The following IL13RA1 variants were observed in gnomAD, a reference collection of about 807,000 sequenced individuals.
IL13RA1 encodes interleukin 13 receptor subunit alpha 1.
In IL13RA1, 14 loss-of-function variants were observed where a neutral mutation model predicts 33.8. The observed-to-expected ratio is 0.41, with a 90% CI of 0.27 to 0.65. The LOEUF (loss-of-function observed/expected upper bound fraction) is 0.65. Ranked by LOEUF, IL13RA1 falls within the 30% of genes least tolerant of loss-of-function variation. IL13RA1 has a pLI of 0.28. For missense variants in IL13RA1, 313 were observed against 327.0 expected (o/e 0.96, Z 0.33); for synonymous variants, 116 against 115.7 (o/e 1.00, Z -0.02).
intron 8 of IL13RA1, chrX:118,769,759 G>C (rs1417007331): frequency 8.6e-6 from 1 of 115,728 alleles, no homozygotes; most frequent in Non-Finnish European, 1.8e-5. Flanking sequence ...GAGGCCTCCC[G>C]TGGCTGGGCC....
intron 10 of IL13RA1, among the ~76,000 whole-genome samples, chrX:118,784,090 A>AAAAATATATATAT (rs1556372973): frequency 3.1e-5 from 2 of 63,959 alleles, no homozygotes; most frequent in Admixed American, 2.6e-4. Flanking sequence ...AAAAAAAAAA[A>AAAAATATATATAT]ATATATATAT....
At chrX:118,799,056 A>G (rs1234561273), downstream of IL13RA1, among the ~76,000 whole-genome samples, 2 of 112,851 alleles carry the variant, frequency 1.8e-5, no homozygotes, top group Non-Finnish European at 3.8e-5. Flanking sequence ...CGGAGCAGCC[A>G]GCCAGCCCTG....
intron 8 of IL13RA1, among the ~76,000 whole-genome samples, chrX:118,771,937 C>G (rs1354356941): frequency 9.0e-6 from 1 of 111,725 alleles, no homozygotes; most frequent in Non-Finnish European, 1.9e-5. Flanking sequence ...CGTGCCACTG[C>G]ACTCCAGCCT....
chrX:118,754,652 T>TTTA (rs1204524802), intron 4 of IL13RA1, among the ~76,000 whole-genome samples: 3 of 103,204 alleles, frequency 2.9e-5, no homozygotes, highest in African/African-American at 4.0e-5. Context: ...AAAAATACTA[T>TTTA]TTATTATTAT....
rs763534725 is a variant in IL13RA1 at position 118,760,353 on chromosome X, G to A, written c.677-785G>A. The stretch of plus-strand genomic sequence containing the variant: ...CATAATTTCCTTGAAGTGCATTTAT[G>A]TTGCAGTGTGTGTCAGAGACTAAGC... On this transcript the variant is annotated intron_variant, in intron 5 of 10. Transcript: ENST00000371666. Among the ~76,000 whole-genome samples the A allele has an allele frequency of 1.8e-5, 2 of 112,073 alleles. 1 individual carries two copies. Among genetic ancestry groups the A allele is most frequent in the Admixed American group, 1.9e-4 (2 of 10,568 alleles).
chrX:118,754,599 T>C (rs2017505722), intron 4 of IL13RA1, among the ~76,000 whole-genome samples: 1 of 109,446 alleles, frequency 9.1e-6, no homozygotes, highest in Non-Finnish European at 1.9e-5. Flanking sequence ...ATCCCACCAC[T>C]GCACTCCAGT....
chrX:118,776,562 T>TG (rs776290651), intron 10 of IL13RA1, 51 bp downstream of exon 10: 1 of 464,759 alleles, frequency 2.2e-6, no homozygotes, highest in Non-Finnish European at 3.6e-6. Context: ...TTTTTTTTTT[T>TG]GGAAGCTATG....
At position 118,752,721 on chromosome X, in the gene IL13RA1, T is replaced by C. The variant is rs1022767836; in HGVS notation, c.488+2943T>C. On this transcript the variant is annotated intron_variant, in intron 4 of 10. Coordinates refer to ENST00000371666, the MANE Select transcript of IL13RA1 (RefSeq NM_001560.3). ...ATATAGTAGGTATTCCATAAATAAG[T>C]TGTGAATGTTTGGTAGGATCCAAAG... Among the ~76,000 whole-genome samples, 11 of 112,289 alleles carry C rather than the reference T, an allele frequency of 9.8e-5. No individual in the cohort carries two copies. In the East Asian group the frequency reaches 2.2e-3, roughly 23 times the overall value.
intron 10 of IL13RA1, among the ~76,000 whole-genome samples, chrX:118,787,670 C>T (rs1023647544): frequency 3.6e-5 from 4 of 111,749 alleles, no homozygotes; most frequent in African/African-American, 1.3e-4. Flanking sequence ...GAGGCCTCCT[C>T]CTGGGAATGC....
intron 2 of IL13RA1, among the ~76,000 whole-genome samples, chrX:118,744,373 A>G (rs2017380883): frequency 9.0e-6 from 1 of 111,539 alleles, no homozygotes; most frequent in South Asian, 3.8e-4. Flanking sequence ...TAAGGTTCGG[A>G]TTTAGATACT....
intron 3 of IL13RA1, among the ~76,000 whole-genome samples, chrX:118,749,161 C>G (rs771638396): frequency 1.8e-5 from 2 of 112,257 alleles, no homozygotes; most frequent in Non-Finnish European, 3.8e-5. Flanking sequence ...AATGATCCAC[C>G]CTTGTTGGCC....
intron 3 of IL13RA1, among the ~76,000 whole-genome samples, chrX:118,748,645 C>G (rs1433772348): frequency 1.8e-5 from 2 of 109,646 alleles, no homozygotes; most frequent in South Asian, 3.9e-4. Context: ...GACTCTGTCT[C>G]AAAAAAATAA....
intron 1 of IL13RA1, among the ~76,000 whole-genome samples, chrX:118,731,309 G>A (rs1336004940): frequency 8.9e-6 from 1 of 112,084 alleles, no homozygotes; most frequent in Non-Finnish European, 1.9e-5. Context: ...AGGCACAGTG[G>A]TTCACACCTG....
At chrX:118,772,276 T>C (rs2248633) in intron 8 of IL13RA1, among the ~76,000 whole-genome samples, 18,866 of 112,196 alleles carry the variant, frequency 0.17, 1,467 homozygotes, top group East Asian at 0.43. Context: ...GGTGTGTGCG[T>C]GCGCACACGT....
At chrX:118,757,338 C>T (rs2017540673) in intron 4 of IL13RA1, among the ~76,000 whole-genome samples, 1 of 109,843 alleles carries the variant, frequency 9.1e-6, no homozygotes, top group Admixed American at 9.8e-5. Flanking sequence ...TCGAGACCAG[C>T]CTGGCCAACA....
chrX:118,794,880 A>T (rs1453650033), downstream of IL13RA1, among the ~76,000 whole-genome samples: 3 of 111,491 alleles, frequency 2.7e-5, no homozygotes, highest in Non-Finnish European at 5.6e-5. Context: ...ATGATGTGCA[A>T]TGTCTAGTCA....
intron 8 of IL13RA1, among the ~76,000 whole-genome samples, chrX:118,772,053 T>C (rs1022571892): frequency 7.1e-5 from 8 of 112,635 alleles, no homozygotes; most frequent in African/African-American, 2.6e-4. Flanking sequence ...TTGTGTCGAT[T>C]TATTTGATAT....
chrX:118,764,835 T>C (rs2017628903), intron 6 of IL13RA1, among the ~76,000 whole-genome samples: 1 of 111,940 alleles, frequency 8.9e-6, no homozygotes, highest in Admixed American at 9.5e-5. Flanking sequence ...TCTTATACTC[T>C]CAACAAGGGA....
downstream of IL13RA1, among the ~76,000 whole-genome samples, chrX:118,799,262 G>C (rs1215612517): frequency 8.8e-6 from 1 of 113,058 alleles, no homozygotes; most frequent in East Asian, 2.8e-4. Context: ...CTCCTGTGCG[G>C]CCCGAGCCTC....
Sources: allele counts gnomAD v4.1 joint callset (sites outside exome capture counted in the v4.1 genomes callset), GRCh38; gene constraint gnomAD v4.1.1; transcripts MANE v1.5; gene names NCBI Gene and HGNC (gene_info 2026-07-23, HGNC 2026-07-21).